Variants in MBOAT1 observed in about 807,000 individuals in gnomAD.
MBOAT1 encodes membrane bound glycerophospholipid O-acyltransferase 1, also known as membrane-bound glycerophospholipid O-acyltransferase 1.
A neutral mutation model predicts 64.4 loss-of-function variants in MBOAT1; 67 were observed. The ratio of observed to expected loss-of-function variants is 1.04; its 90% CI spans 0.85 to 1.27. The LOEUF is 1.27. Among genes scored for constraint, MBOAT1 ranks in the 50% most tolerant of loss-of-function variants. The pLI is 0.00. For missense variants in MBOAT1, 563 were observed against 604.6 expected (o/e 0.93, Z 0.72); for synonymous variants, 229 against 218.9 (o/e 1.05, Z -0.41).
chr6:20,169,232 A>G (rs1437696858), intron 1 of MBOAT1, among the ~76,000 whole-genome samples: 2 of 152,220 alleles, frequency 1.3e-5, no homozygotes, highest in Admixed American at 6.5e-5. Context: ...TTTCTTATGC[A>G]ACACCCCAGG....
chr6:20,140,603 C>G lies in MBOAT1; in HGVS notation c.419+3617G>C, dbSNP rs754626504. ...ATCATCTTCTCCTGCCCTTAGGTATCGGAGCTCCTGGTTCTCAGGCCTTTG... is the reference window on the plus strand; with the variant it reads ...ATCATCTTCTCCTGCCCTTAGGTATGGGAGCTCCTGGTTCTCAGGCCTTTG... On this transcript the variant is annotated intron_variant, in intron 4 of 12. Transcript: ENST00000324607. 1.1e-4 allele frequency among the ~76,000 whole-genome samples: 16 copies of G among 152,156 alleles called. 1 individual carries two copies. The highest frequency in any genetic ancestry group is 6.2e-4 in the South Asian group (3 of 4,818).
At chr6:20,141,665 G>A in intron 4 of MBOAT1, among the ~76,000 whole-genome samples, 1 of 152,060 alleles carries the variant, frequency 6.6e-6, no homozygotes, top group East Asian at 1.9e-4. Flanking sequence ...GAGATGATAA[G>A]TGTGAGCCAT....
At chr6:20,153,324 C>T (rs1761582988) in intron 1 of MBOAT1, among the ~76,000 whole-genome samples, 1 of 152,138 alleles carries the variant, frequency 6.6e-6, no homozygotes, top group Non-Finnish European at 1.5e-5. Flanking sequence ...GGTTGCTTTC[C>T]CACCCACAAG....
intron 2 of MBOAT1, 21 bp from the exon 3 acceptor site, chr6:20,151,283 G>A (rs748790628): frequency 6.4e-7 from 1 of 1,550,694 alleles, no homozygotes; most frequent in Non-Finnish European, 8.9e-7. Flanking sequence ...TAATAGTAGG[G>A]GGAGGAGTAA....
chr6:20,147,155 C>A (rs964940930), intron 3 of MBOAT1, among the ~76,000 whole-genome samples: 1 of 152,208 alleles, frequency 6.6e-6, no homozygotes, highest in East Asian at 1.9e-4. Context: ...TCTCCAGCCA[C>A]GTGGAACTGT....
At chr6:20,125,514 T>C (rs1452305805) in intron 7 of MBOAT1, among the ~76,000 whole-genome samples, 5 of 152,210 alleles carry the variant, frequency 3.3e-5, no homozygotes, top group African/African-American at 1.2e-4. Context: ...TGCACAAAAA[T>C]GCAAGTGTTT....
At chr6:20,160,646 C>G (rs988276881) in intron 1 of MBOAT1, among the ~76,000 whole-genome samples, 7 of 151,328 alleles carry the variant, frequency 4.6e-5, no homozygotes, top group Non-Finnish European at 7.4e-5. Context: ...TCAAGTTAAA[C>G]AATTCCTTAT....
Position 20,152,718 on chromosome 6 carries a change from G to T in MBOAT1, c.151C>A (p.Arg51Ser), listed in dbSNP as rs184491612. Residue 51 changes from arginine (R) to serine (S), a missense_variant, in exon 2 of 13, where the codon CGC becomes AGC. Arg to Ser is a moderately radical substitution (Grantham distance 110). Coordinates refer to ENST00000324607, the MANE Select transcript of MBOAT1 (RefSeq NM_001080480.3). ...GTTGTACCAGGACGTAAGTAGATGC[G>T]AAACCAGAAAGCAGCAAACAGAGCA... ...LVALFAAFWF[R>S]IYLRPGTTSS... is the part of the protein sequence containing the mutation. 4 of 1,612,350 alleles carry T rather than the reference G, an allele frequency of 2.5e-6. No individual in the cohort carries two copies. In the Admixed American group the frequency reaches 6.7e-5, roughly 27 times the overall value.
chr6:20,212,182 G>A lies in MBOAT1; in HGVS notation c.53C>T (p.Thr18Ile), dbSNP rs780891180. Residue 18 changes from threonine to isoleucine, a missense_variant, in exon 1 of 13, where the codon ACC becomes ATC. Thr to Ile is a moderately conservative substitution (Grantham distance 89). Coordinates refer to ENST00000324607, the MANE Select transcript of MBOAT1 (RefSeq NM_001080480.3). ...GAGCTCGCTGAGCGGGTGCAGGTAG[G>A]TGGAGCCCGTGGTGCGGTAGGAAAG... ...SSLSYRTTGS[T>I]YLHPLSELLG... 1 of 1,613,592 alleles carries A rather than the reference G, an allele frequency of 6.2e-7. No homozygotes were observed. Among genetic ancestry groups the A allele is most frequent in the Non-Finnish European group, 8.5e-7 (1 of 1,179,892 alleles).
chr6:20,111,195 G>C (rs1760127846), intron 11 of MBOAT1, among the ~76,000 whole-genome samples: 1 of 152,196 alleles, frequency 6.6e-6, no homozygotes, highest in African/African-American at 2.4e-5. Flanking sequence ...CCTGCCTCTA[G>C]AGAGACCCTC....
chr6:20,108,383 C>G (rs912642058), intron 12 of MBOAT1, among the ~76,000 whole-genome samples: 4 of 152,102 alleles, frequency 2.6e-5, no homozygotes, highest in African/African-American at 9.7e-5. Context: ...GGGTATAAAC[C>G]AGTACAGCTT....
chr6:20,196,587 G>A (rs1762960330), intron 1 of MBOAT1, among the ~76,000 whole-genome samples: 1 of 152,156 alleles, frequency 6.6e-6, no homozygotes, highest in South Asian at 2.1e-4. Flanking sequence ...TGCACCAGGT[G>A]CAGTGGCTCA....
intron 1 of MBOAT1, among the ~76,000 whole-genome samples, chr6:20,205,112 T>C (rs929604397): frequency 6.6e-5 from 10 of 152,058 alleles, no homozygotes; most frequent in Admixed American, 6.6e-5. Context: ...GGCAGGAGGA[T>C]TGCTTGAGCT....
chr6:20,175,112 T>C (rs1349721535), intron 1 of MBOAT1, among the ~76,000 whole-genome samples: 1 of 151,996 alleles, frequency 6.6e-6, no homozygotes, highest in African/African-American at 2.4e-5. Context: ...CCATTCTCTC[T>C]CCTAAGTGCT....
At chr6:20,114,946 C>A (rs9368151) in intron 10 of MBOAT1, among the ~76,000 whole-genome samples, 65,736 of 151,660 alleles carry the variant, frequency 0.43, 14,488 homozygotes, top group East Asian at 0.56. Flanking sequence ...TCTATCCCTT[C>A]ACTGGGTGAC....
At chr6:20,189,460 G>A (rs1034230655) in intron 1 of MBOAT1, among the ~76,000 whole-genome samples, 12 of 152,046 alleles carry the variant, frequency 7.9e-5, no homozygotes, top group African/African-American at 2.9e-4. Flanking sequence ...TTATTCACAG[G>A]TGCGATCATA....
intron 1 of MBOAT1, among the ~76,000 whole-genome samples, chr6:20,164,543 A>G (rs1291235994): frequency 6.6e-6 from 1 of 152,192 alleles, no homozygotes; most frequent in Non-Finnish European, 1.5e-5. Context: ...TCAACCAAAG[A>G]TCTGTTTTTT....
At chr6:20,194,780 G>T (rs962349629) in intron 1 of MBOAT1, among the ~76,000 whole-genome samples, 1 of 152,036 alleles carries the variant, frequency 6.6e-6, no homozygotes, top group Non-Finnish European at 1.5e-5. Context: ...CCTTCTTAAG[G>T]GTGAGTGTCT....
At chr6:20,161,451 G>A (rs1046400686) in intron 1 of MBOAT1, among the ~76,000 whole-genome samples, 1 of 151,940 alleles carries the variant, frequency 6.6e-6, no homozygotes. Context: ...CCCACTCCAT[G>A]GAAAAATTGT....
Sources: gnomAD v4.1 joint callset for allele counts (sites outside exome capture counted in the v4.1 genomes callset) on GRCh38, gnomAD v4.1.1 for gene constraint, MANE v1.5 for transcripts, NCBI Gene and HGNC (gene_info 2026-07-23, HGNC 2026-07-21) for gene names.